The following ACAA1 variants were observed in gnomAD, a reference collection of about 807,000 sequenced individuals.
ACAA1 encodes the protein 3-ketoacyl-CoA thiolase, peroxisomal.
In ACAA1, 44 loss-of-function variants were observed where a neutral mutation model predicts 48.8. That is an observed-to-expected ratio of 0.90 (90% CI 0.71 to 1.16). The LOEUF (loss-of-function observed/expected upper bound fraction) is 1.16, where lower values mean the gene tolerates loss of function less well. ACAA1 is among the 50% of genes most tolerant of loss of function. The pLI, the probability that ACAA1 is intolerant of heterozygous loss-of-function variation, is 0.00. For missense variants in ACAA1, 512 were observed against 562.3 expected (o/e 0.91, Z 0.90); for synonymous variants, 233 against 226.5 (o/e 1.03, Z -0.26).
At chr3:38,136,802 G>A (rs915138955) in intron 1 of ACAA1, 63 bp downstream of exon 1, 5 of 1,484,724 alleles carry the variant, frequency 3.4e-6, no homozygotes, top group Non-Finnish European at 3.6e-6. Context: ...CCAAACATAC[G>A]AACCGGACCC....
chr3:38,123,401 G>T, intron 11 of ACAA1: 2 of 388,254 alleles, frequency 5.2e-6, no homozygotes, highest in Non-Finnish European at 9.4e-6. Context: ...CCTCCCCAGG[G>T]ATCGATCATA....
intron 10 of ACAA1, 43 bp downstream of exon 10, chr3:38,125,783 C>T (rs372279103): frequency 1.8e-5 from 29 of 1,614,064 alleles, no homozygotes; most frequent in African/African-American, 2.7e-5. Flanking sequence ...CACTCCACCT[C>T]GGCTGTCCAG....
chr3:38,125,839 G>T lies in ACAA1; in HGVS notation c.1040C>A (p.Ala347Asp). Residue 347 changes from alanine (A) to aspartate (D), a missense_variant, in exon 10 of 12, where the codon GCC (alanine) becomes GAC (aspartate). Physicochemically the swap from Ala to Asp is moderately radical, Grantham distance 126. Coordinates refer to ENST00000333167, the MANE Select transcript of ACAA1 (RefSeq NM_001607.4). ...ACAAGGGCTCACCTGGCTTGCAAAG[G>T]CCTCATTGATCTCGAAGATGTCCAC... ...SDVDIFEINEAFASQAAYCVE... is the reference protein window; with the variant it reads ...SDVDIFEINEDFASQAAYCVE... 3.7e-6 allele frequency: 6 copies of T among 1,614,168 alleles called. No individual in the cohort carries two copies. The highest frequency in any genetic ancestry group is 1.3e-5 in the African/African-American group (1 of 75,046).
intron 11 of ACAA1, chr3:38,124,019 A>ATGTT (rs1700614578): frequency 1.3e-5 from 2 of 152,148 alleles, no homozygotes; most frequent in Non-Finnish European, 2.9e-5. Context: ...TCAAAAAAAA[A>ATGTT]AAAAAATGTA....
At position 38,129,341 on chromosome 3, in the gene ACAA1, G is replaced by A; in HGVS notation, c.494C>T (p.Thr165Ile). The A allele has an allele frequency of 6.2e-7, 1 of 1,614,200 alleles. No individual in the cohort carries two copies. Among genetic ancestry groups the A allele is most frequent in the Non-Finnish European group, 8.5e-7 (1 of 1,180,046 alleles). Residue 165 changes from threonine to isoleucine, a missense_variant, in exon 6 of 12, where the codon ACT (threonine) becomes ATT (isoleucine). Transcript: ENST00000333167. The surrounding 1 kb of genome is among the most constrained non-coding windows in gnomAD (Gnocchi z 5.3). ...CTTCTCCTTCTCCATCAAGCGCGAA[G>A]TAATATTTCCAGGGTTCCCTCTGTC... ...LADRGNPGNI[T>I]SRLMEKEKAR... is the part of the protein sequence containing the mutation.
At chr3:38,134,573 T>C (rs930911204) in intron 2 of ACAA1, 5 of 453,536 alleles carry the variant, frequency 1.1e-5, no homozygotes, top group African/African-American at 8.0e-5. Context: ...AAAAATTGTT[T>C]CTGCTTTGAG....
chr3:38,127,575 G>A, intron 7 of ACAA1: 2 of 594,080 alleles, frequency 3.4e-6, no homozygotes, highest in South Asian at 1.9e-5. Flanking sequence ...GCAAAGTCAG[G>A]GTGAACAGAC....
At chr3:38,123,734 G>A (rs570983739) in intron 11 of ACAA1, 5 of 152,436 alleles carry the variant, frequency 3.3e-5, no homozygotes, top group Admixed American at 3.3e-4. Context: ...CAGGTGTGGT[G>A]GCTCAAACCT....
chr3:38,128,879 T>C (rs1337244489), intron 6 of ACAA1, among the ~76,000 whole-genome samples: 1 of 152,052 alleles, frequency 6.6e-6, no homozygotes, highest in Non-Finnish European at 1.5e-5. Context: ...GCATGAGCCA[T>C]CGCACCCGGC....
intron 6 of ACAA1, 54 bp from the exon 7 acceptor site, chr3:38,127,920 G>A (rs1700711148): frequency 6.3e-7 from 1 of 1,581,214 alleles, no homozygotes; most frequent in Non-Finnish European, 8.7e-7. Flanking sequence ...CTAGAGGAAG[G>A]GACCAGGCTG....
intron 2 of ACAA1, 38 bp downstream of exon 2, chr3:38,136,554 G>C (rs775468325): frequency 6.2e-7 from 1 of 1,607,804 alleles, no homozygotes; most frequent in Non-Finnish European, 8.5e-7. Flanking sequence ...ACGGAAGAAC[G>C]GGGAAGGCCC....
intron 6 of ACAA1, among the ~76,000 whole-genome samples, chr3:38,128,665 C>T (rs1575261288): frequency 6.6e-6 from 1 of 152,306 alleles, no homozygotes; most frequent in East Asian, 1.9e-4. Context: ...GATCTCAGCT[C>T]ACTGCAACCT....
intron 9 of ACAA1, 69 bp from the exon 10 acceptor site, chr3:38,125,950 T>TG (rs1700672459): frequency 1.9e-6 from 3 of 1,603,284 alleles, no homozygotes; most frequent in Non-Finnish European, 2.6e-6. Flanking sequence ...ACCCCATCCA[T>TG]GGGCCTACAG....
intron 6 of ACAA1, among the ~76,000 whole-genome samples, chr3:38,128,748 C>T (rs1450172458): frequency 1.3e-5 from 2 of 152,168 alleles, no homozygotes; most frequent in Non-Finnish European, 2.9e-5. Flanking sequence ...CTCACCACCG[C>T]GCCCGGCTAA....
At chr3:38,127,235 G>A (rs1038023175) in intron 7 of ACAA1, among the ~76,000 whole-genome samples, 3 of 152,180 alleles carry the variant, frequency 2.0e-5, no homozygotes, top group Non-Finnish European at 4.4e-5. Context: ...AGGAATCTAA[G>A]GCTTCTAACA....
rs1056388959 is a variant in ACAA1, at chr3:38,131,487, C to T, written c.446+109G>A. On this transcript the variant is annotated intron_variant, in intron 5 of 11. Coordinates refer to ENST00000333167, the MANE Select transcript of ACAA1 (RefSeq NM_001607.4). ...TGAGAACCCACTCGTGGCCAGCTGCCTAAAGGGGATGGGGGGAATCCTGAA... is the reference window on the plus strand; with the variant it reads ...TGAGAACCCACTCGTGGCCAGCTGCTTAAAGGGGATGGGGGGAATCCTGAA... The T allele has an allele frequency of 1.3e-5, 16 of 1,219,096 alleles. No homozygotes were observed. In the East Asian group the frequency reaches 1.6e-4, roughly 12 times the overall value. 75.5% of individuals were successfully genotyped at this position (1,219,096 alleles called of 1,614,324 possible). A position where few individuals can be genotyped will look rare whatever the true frequency, so the allele number is the denominator to read the frequency against.
At chr3:38,133,675 G>A (rs1171938680) in intron 3 of ACAA1, 1 of 504,762 alleles carries the variant, frequency 2.0e-6, no homozygotes, top group African/African-American at 2.0e-5. Flanking sequence ...AATGAGGACA[G>A]AGTCCACACT....
Position 38,129,393 on chromosome 3 carries a change from G to C in ACAA1, c.447-5C>G, listed in dbSNP as rs113162331. ...GCCAGGGACATGGACTCCACCCTGG[G>C]GAGGAGGAAGAGGAGGAGAAGGTAA... On this transcript the variant is annotated splice_region_variant and splice_polypyrimidine_tract_variant and intron_variant, in intron 5 of 11. Transcript: ENST00000333167. This position sits in a 1 kb window ranked among gnomAD's most constrained non-coding sequence, Gnocchi z 5.3. 10 of 1,609,906 alleles carry C rather than the reference G, an allele frequency of 6.2e-6. No homozygotes were observed. Among genetic ancestry groups the C allele is most frequent in the Middle Eastern group, 1.7e-4 (1 of 6,048 alleles).
chr3:38,137,077 T>TGACCGCGGAGTTAACAGACAGCC lies in ACAA1; in HGVS notation c.-65_-43dup, dbSNP rs1212515580. On this transcript the variant is annotated 5_prime_UTR_variant, in exon 1 of 12. It introduces an in-frame stop codon into an upstream open reading frame of the 5' UTR. Transcript: ENST00000333167. ...GCAGACCAGCCACCAGTCCGGGAACTGACCGCGGAGTTAACAGACAGCCGT... is the reference window on the plus strand; with the variant it reads ...GCAGACCAGCCACCAGTCCGGGAACTGACCGCGGAGTTAACAGACAGCCGACCGCGGAGTTAACAGACAGCCGT... The TGACCGCGGAGTTAACAGACAGCC allele has an allele frequency of 6.7e-7, 1 of 1,484,634 alleles. No individual in the cohort carries two copies. The highest frequency in any genetic ancestry group is 2.5e-5 in the Admixed American group (1 of 39,802). The allele number at this position is 1,484,634 out of a possible 1,614,324, so 92.0% of individuals were successfully genotyped here. A position where few individuals can be genotyped will look rare whatever the true frequency, so the allele number is the denominator to read the frequency against.
Sources: allele counts gnomAD v4.1 joint callset (sites outside exome capture counted in the v4.1 genomes callset), GRCh38; gene constraint gnomAD v4.1.1; non-coding constraint Gnocchi (gnomAD v3.1); transcripts MANE v1.5; gene names NCBI Gene and HGNC (gene_info 2026-07-23, HGNC 2026-07-21).